DOCK1: variants seen among roughly 807,000 people sequenced by gnomAD.
DOCK1 encodes the protein dedicator of cytokinesis 1, also known as dedicator of cytokinesis protein 1.
Under a neutral mutation model 262.7 loss-of-function variants are expected in DOCK1, and 138 were observed. That is an observed-to-expected ratio of 0.53 (90% confidence interval 0.46 to 0.61). DOCK1 has a LOEUF of 0.61. Ranked by LOEUF, DOCK1 falls within the 20% of genes least tolerant of loss-of-function variation. The pLI, the probability that DOCK1 is intolerant of heterozygous loss-of-function variation, is 0.00. For missense variants in DOCK1, 1,908 were observed against 2,370.7 expected (o/e 0.80, Z 4.05); for synonymous variants, 866 against 867.4 (o/e 1.00, Z 0.03).
At chr10:127,287,304 G>A (rs980317977) in intron 29 of DOCK1, among the ~76,000 whole-genome samples, 9 of 151,478 alleles carry the variant, frequency 5.9e-5, no homozygotes, top group African/African-American at 2.2e-4. Flanking sequence ...TTGGGCTCAA[G>A]CAATCCTCCT....
intron 47 of DOCK1, among the ~76,000 whole-genome samples, chr10:127,428,584 G>GTGTGGATTGGGCTGCCA (rs2068986096): frequency 6.7e-6 from 1 of 148,396 alleles, no homozygotes; most frequent in African/African-American, 2.5e-5. Flanking sequence ...TTGTGGTGTT[G>GTGTGGATTGGGCTGCCA]TGTGGATTGG....
intron 38 of DOCK1, among the ~76,000 whole-genome samples, chr10:127,396,167 T>C (rs2066825878): frequency 7.9e-6 from 1 of 125,810 alleles, no homozygotes; most frequent in South Asian, 2.6e-4. Context: ...CATTCAAGAA[T>C]CCCGGGCCAG....
At chr10:127,194,409 CA>C (rs370418992) in intron 27 of DOCK1, among the ~76,000 whole-genome samples, 1 of 151,950 alleles carries the variant, frequency 6.6e-6, no homozygotes, top group Non-Finnish European at 1.5e-5. Flanking sequence ...ATCATTCTTG[CA>C]AAAAAATTGC....
chr10:127,009,830 T>C (rs1224056212), intron 11 of DOCK1, among the ~76,000 whole-genome samples: 1 of 152,152 alleles, frequency 6.6e-6, no homozygotes, highest in African/African-American at 2.4e-5. Context: ...GACTTCCCTC[T>C]GCCCCACGCA....
intron 12 of DOCK1, among the ~76,000 whole-genome samples, chr10:127,015,668 T>C (rs1383799503): frequency 6.6e-6 from 1 of 152,166 alleles, no homozygotes; most frequent in Admixed American, 6.5e-5. Context: ...GTGGTTCTGC[T>C]GACTTGACCT....
At chr10:126,982,072 T>C in intron 4 of DOCK1, 99 bp downstream of exon 4, 1 of 1,272,642 alleles carries the variant, frequency 7.9e-7, no homozygotes, top group Non-Finnish European at 1.1e-6. Flanking sequence ...GTCAAGACAA[T>C]GGGTGTGATT....
At chr10:127,377,539 A>C (rs2134069539) in intron 35 of DOCK1, among the ~76,000 whole-genome samples, 1 of 152,270 alleles carries the variant, frequency 6.6e-6, no homozygotes, top group African/African-American at 2.4e-5. Flanking sequence ...TTCTTACAAA[A>C]CACAGTTAGT....
chr10:127,196,851 G>A (rs954707720), intron 27 of DOCK1, among the ~76,000 whole-genome samples: 5 of 152,046 alleles, frequency 3.3e-5, no homozygotes, highest in African/African-American at 1.2e-4. Context: ...CCGGGAACTT[G>A]TTGAGTCTAC....
chr10:126,918,938 C>A (rs2032855432), intron 1 of DOCK1, among the ~76,000 whole-genome samples: 1 of 149,674 alleles, frequency 6.7e-6, no homozygotes, highest in East Asian at 2.0e-4. Flanking sequence ...AGGAGAAAGT[C>A]AAGGTGCAGA....
intron 1 of DOCK1, among the ~76,000 whole-genome samples, chr10:126,958,334 A>T (rs1027143403): frequency 3.3e-5 from 5 of 152,266 alleles, no homozygotes; most frequent in Non-Finnish European, 7.4e-5. Flanking sequence ...GTCTTTGTGT[A>T]ATACGCAGGA....
At chr10:127,125,416 A>G (rs1017169068) in intron 25 of DOCK1, 58 bp from the exon 26 acceptor site, 11 of 1,604,112 alleles carry the variant, frequency 6.9e-6, no homozygotes, top group South Asian at 6.7e-5. Context: ...GCTTATAGCA[A>G]ACACGAGTTG....
At chr10:127,102,709 G>A (rs1473908389) in intron 23 of DOCK1, among the ~76,000 whole-genome samples, 10 of 152,162 alleles carry the variant, frequency 6.6e-5, no homozygotes, top group East Asian at 5.8e-4. Flanking sequence ...GTGTGGTGGC[G>A]GGCACCTGTA....
At position 127,449,231 on chromosome 10, in the gene DOCK1, G is replaced by C. The variant is rs554915721; in HGVS notation, c.5565+1686G>C. Among the ~76,000 whole-genome samples the C allele has an allele frequency of 1.7e-4, 26 of 152,314 alleles. No homozygotes were observed. In the East Asian group the frequency reaches 4.4e-3, roughly 26 times the overall value. On this transcript the variant is annotated intron_variant, in intron 51 of 51. Coordinates refer to ENST00000623213, the MANE Select transcript of DOCK1 (RefSeq NM_001290223.2). ...CTTGTGAGAGTAAAAGGAGATTCGG[G>C]GGGGTCTAACAAGAATATTGGGTTG...
chr10:127,079,872 A>G (rs888500596), intron 23 of DOCK1, among the ~76,000 whole-genome samples: 1 of 152,196 alleles, frequency 6.6e-6, no homozygotes, highest in Admixed American at 6.5e-5. Flanking sequence ...CGGAGGTTGC[A>G]GTGAGCCAAC....
At chr10:127,431,749 G>T (rs1168056421) in intron 47 of DOCK1, among the ~76,000 whole-genome samples, 1 of 152,188 alleles carries the variant, frequency 6.6e-6, no homozygotes, top group Non-Finnish European at 1.5e-5. Flanking sequence ...TGTATTATCT[G>T]TGGCTGCTTT....
At chr10:127,158,759 A>T (rs2053319477) in intron 27 of DOCK1, among the ~76,000 whole-genome samples, 1 of 152,216 alleles carries the variant, frequency 6.6e-6, no homozygotes, top group South Asian at 2.1e-4. Context: ...TTCATTGTAG[A>T]TATGGATTTT....
chr10:127,064,989 A>G (rs7093110), intron 23 of DOCK1, among the ~76,000 whole-genome samples: 41,765 of 151,902 alleles, frequency 0.27, 6,250 homozygotes, highest in East Asian at 0.39. Flanking sequence ...GACTCATACC[A>G]CATTTGTCCT....
intron 27 of DOCK1, among the ~76,000 whole-genome samples, chr10:127,203,249 T>C (rs1438007405): frequency 1.3e-5 from 2 of 152,218 alleles, no homozygotes; most frequent in Non-Finnish European, 2.9e-5. Context: ...CGTATTACCA[T>C]GGCCTTTTGA....
At chr10:126,923,116 TA>T (rs1382589750) in intron 1 of DOCK1, among the ~76,000 whole-genome samples, 3 of 151,832 alleles carry the variant, frequency 2.0e-5, no homozygotes, top group Admixed American at 2.0e-4. Context: ...TCTAAAAAAA[TA>T]AAATAGAATA....
Sources: allele counts gnomAD v4.1 joint callset (sites outside exome capture counted in the v4.1 genomes callset), GRCh38; gene constraint gnomAD v4.1.1; transcripts MANE v1.5; gene names NCBI Gene and HGNC (gene_info 2026-07-23, HGNC 2026-07-21).